The following CRACR2A variants were observed in gnomAD, a reference collection of about 807,000 sequenced individuals.
CRACR2A encodes the protein EF-hand calcium-binding domain-containing protein 4B.
A neutral mutation model predicts 90.5 loss-of-function variants in CRACR2A; 79 were observed. That is an observed-to-expected ratio of 0.87 (90% CI 0.73 to 1.05). CRACR2A has a LOEUF of 1.05. Ranked by LOEUF, CRACR2A falls within the 50% of genes least tolerant of loss-of-function variation. The pLI is 0.00. For missense variants in CRACR2A, 823 were observed against 897.2 expected (o/e 0.92, Z 1.06); for synonymous variants, 338 against 356.7 (o/e 0.95, Z 0.59).
At chr12:3,649,245 T>TAAATAAAC (rs1944752651) in intron 10 of CRACR2A, among the ~76,000 whole-genome samples, 2 of 149,912 alleles carry the variant, frequency 1.3e-5, no homozygotes, top group Admixed American at 1.3e-4. Flanking sequence ...ATAAGATAAA[T>TAAATAAAC]AAATAAATAA....
chr12:3,666,377 GCA>G (rs1435587437), intron 7 of CRACR2A, among the ~76,000 whole-genome samples: 29 of 151,876 alleles, frequency 1.9e-4, no homozygotes, highest in African/African-American at 5.3e-4. Context: ...GCGTGCGCGC[GCA>G]CGCGCGCACA....
At chr12:3,737,229 C>G (rs1946461367) in intron 1 of CRACR2A, among the ~76,000 whole-genome samples, 1 of 146,788 alleles carries the variant, frequency 6.8e-6, no homozygotes, top group Non-Finnish European at 1.5e-5. Context: ...GGGTGGGAAG[C>G]CTGTTAAGGA....
intron 2 of CRACR2A, chr12:3,730,879 G>A (rs4766165): frequency 0.54 from 82,246 of 151,844 alleles, 23,335 homozygotes; most frequent in East Asian, 0.74. Context: ...ATAAGATTTC[G>A]CCGAATACCT....
rs545116126 is a variant in CRACR2A at position 3,668,093 on chromosome 12, C to T, written c.671+5353G>A. Among the ~76,000 whole-genome samples, 9 of 152,244 alleles carry T rather than the reference C, an allele frequency of 5.9e-5. No homozygotes were observed. In the East Asian group the frequency reaches 9.6e-4, roughly 16 times the overall value. ...CCCATGGTGTACACAGAGCACAAAC[C>T]GTCCTCACTTTTCAATTTGCTCTCA... On this transcript the variant is annotated intron_variant, in intron 7 of 19. Coordinates refer to ENST00000440314, the MANE Select transcript of CRACR2A (RefSeq NM_001144958.2).
intron 2 of CRACR2A, among the ~76,000 whole-genome samples, chr12:3,716,015 G>A (rs947392306): frequency 2.6e-5 from 4 of 151,466 alleles, no homozygotes; most frequent in Non-Finnish European, 5.9e-5. Context: ...GAAGGAGCGG[G>A]AGCATCATCC....
At chr12:3,729,793 T>C (rs1946331689) in intron 2 of CRACR2A, 1 of 152,216 alleles carries the variant, frequency 6.6e-6, no homozygotes, top group Admixed American at 6.5e-5. Flanking sequence ...CTGATCCTAG[T>C]TCTTCTGTGT....
chr12:3,750,835 C>A (rs1946692021), intron 1 of CRACR2A, among the ~76,000 whole-genome samples: 1 of 152,180 alleles, frequency 6.6e-6, no homozygotes, highest in Non-Finnish European at 1.5e-5. Context: ...CAACAAGGAG[C>A]CCCAAGGCAG....
intron 3 of CRACR2A, among the ~76,000 whole-genome samples, chr12:3,705,124 G>C (rs970363561): frequency 2.0e-5 from 3 of 152,148 alleles, no homozygotes; most frequent in African/African-American, 4.8e-5. Flanking sequence ...CCATAAAGGA[G>C]GAAATGGTGG....
In CRACR2A at chr12:3,627,469, G is replaced by C; in HGVS notation, c.1899C>G (p.Phe633Leu). 6.4e-7 allele frequency: 1 copy of C among 1,551,988 alleles called. No homozygotes were observed. The highest frequency in any genetic ancestry group is 1.2e-5 in the South Asian group (1 of 84,062). ...VMYDLTDKQS[F>L]LSVRRWLSSV... ...TGCTCAGCCACCGCCGGACCGACAG[G>C]AACGACTGCTTGTCTGTGAGATCGT... Residue 633 changes from phenylalanine (F) to leucine (L), a missense_variant, in exon 17 of 20, where the codon TTC becomes TTG. Transcript: ENST00000440314.
At position 3,621,955 on chromosome 12, in the gene CRACR2A, T is replaced by G. The variant is rs1309134366; in HGVS notation, c.1933-2583A>C. On this transcript the variant is annotated intron_variant, in intron 17 of 19. Transcript: ENST00000440314. ...CTATCACAGTCAGTCACCATCACCC[T>G]GGCCCAAGGTCATCAGTCTCTGGCA... Among the ~76,000 whole-genome samples, 6 of 152,230 alleles carry G rather than the reference T, an allele frequency of 3.9e-5. No individual in the cohort carries two copies. The East Asian group carries it at 1.2e-3, about 29-fold the overall frequency.
chr12:3,690,903 C>T (rs1273566738), intron 4 of CRACR2A, among the ~76,000 whole-genome samples: 1 of 152,160 alleles, frequency 6.6e-6, no homozygotes, highest in African/African-American at 2.4e-5. Context: ...GAATCCTTTA[C>T]CATTATGTAA....
intron 12 of CRACR2A, among the ~76,000 whole-genome samples, chr12:3,644,000 G>A (rs1034778452): frequency 3.7e-5 from 5 of 136,576 alleles, no homozygotes; most frequent in Non-Finnish European, 7.6e-5. Flanking sequence ...GGTGGAGAGG[G>A]CAGTCCAGAT....
intron 5 of CRACR2A, among the ~76,000 whole-genome samples, 184 bp downstream of exon 5, chr12:3,680,054 T>C (rs1463608161): frequency 6.6e-6 from 1 of 152,156 alleles, no homozygotes; most frequent in Non-Finnish European, 1.5e-5. Flanking sequence ...TGTAAGCAGT[T>C]GAGACGGGCA....
chr12:3,622,177 G>A (rs562176595), intron 17 of CRACR2A, among the ~76,000 whole-genome samples: 9 of 152,290 alleles, frequency 5.9e-5, no homozygotes, highest in Admixed American at 6.5e-5. Flanking sequence ...AAGCCCCTAG[G>A]GCTTTGGTGA....
intron 13 of CRACR2A, 22 bp downstream of exon 13, chr12:3,641,710 T>A (rs116963764): frequency 2.6e-5 from 40 of 1,546,034 alleles, no homozygotes; most frequent in Non-Finnish European, 3.0e-5. Flanking sequence ...AATGAAGGGA[T>A]GAGCAAGTGG....
intron 4 of CRACR2A, among the ~76,000 whole-genome samples, chr12:3,687,525 A>T (rs1591687609): frequency 6.6e-6 from 1 of 152,078 alleles, no homozygotes; most frequent in African/African-American, 2.4e-5. Context: ...AAAAGATATG[A>T]TCTTGTTCTT....
At chr12:3,656,160 A>AT (rs1398231549) in intron 9 of CRACR2A, 151 bp downstream of exon 9, 3 of 695,158 alleles carry the variant, frequency 4.3e-6, no homozygotes, top group Non-Finnish European at 7.2e-6. Context: ...ATCACCTGTG[A>AT]TTTTAAATGC....
chr12:3,749,546 A>G (rs189985663), intron 1 of CRACR2A, among the ~76,000 whole-genome samples: 1 of 152,158 alleles, frequency 6.6e-6, no homozygotes, highest in Non-Finnish European at 1.5e-5. Flanking sequence ...CCTTACAGCC[A>G]TCCTCTCCTT....
intron 7 of CRACR2A, among the ~76,000 whole-genome samples, chr12:3,672,536 T>C (rs933822525): frequency 6.6e-6 from 1 of 152,220 alleles, no homozygotes; most frequent in Non-Finnish European, 1.5e-5. Flanking sequence ...AACCCAGCCC[T>C]GTGTTGTAGC....
Sources: allele counts gnomAD v4.1 joint callset (sites outside exome capture counted in the v4.1 genomes callset), GRCh38; gene constraint gnomAD v4.1.1; transcripts MANE v1.5; gene names NCBI Gene and HGNC (gene_info 2026-07-23, HGNC 2026-07-21).